DRD2: variants seen among roughly 807,000 people sequenced by gnomAD.
DRD2 encodes dopamine receptor D2, also known as D(2) dopamine receptor.
In DRD2, 8 loss-of-function variants were observed where a neutral mutation model predicts 38.0. The ratio of observed to expected loss-of-function variants is 0.21; its 90% CI spans 0.12 to 0.38. The LOEUF is 0.38. DRD2 is among the 10% of genes least tolerant of loss of function. DRD2 has a pLI of 1.00. For missense variants in DRD2, 403 were observed against 607.7 expected (o/e 0.66, Z 3.54); for synonymous variants, 230 against 238.6 (o/e 0.96, Z 0.33).
intron 5 of DRD2, 110 bp from the exon 6 acceptor site, chr11:113,414,571 G>A: frequency 8.6e-7 from 1 of 1,158,560 alleles, no homozygotes. Context: ...AGGGCTCAGA[G>A]ATCAGGAGGG....
chr11:113,417,286 A>G (rs1283084283), intron 3 of DRD2, among the ~76,000 whole-genome samples: 2 of 152,200 alleles, frequency 1.3e-5, no homozygotes, highest in Non-Finnish European at 2.9e-5. Context: ...TCGAAGAACC[A>G]TGGCCTGCAT....
intron 1 of DRD2, among the ~76,000 whole-genome samples, chr11:113,459,446 A>C (rs752631524): frequency 2.0e-5 from 3 of 152,216 alleles, no homozygotes; most frequent in African/African-American, 7.2e-5. Flanking sequence ...ATCAGAGGAC[A>C]AGAAAAGTTA....
intron 4 of DRD2, among the ~76,000 whole-genome samples, chr11:113,416,614 G>A (rs1950829838): frequency 6.6e-6 from 1 of 152,206 alleles, no homozygotes; most frequent in Non-Finnish European, 1.5e-5. Flanking sequence ...ACATACCCCT[G>A]AACCATTATC....
At chr11:113,426,548 T>C (rs923039258) in intron 1 of DRD2, among the ~76,000 whole-genome samples, 2 of 152,136 alleles carry the variant, frequency 1.3e-5, no homozygotes, top group Admixed American at 1.3e-4. Flanking sequence ...ATGAATGTGG[T>C]GCCATGTCCA....
intron 1 of DRD2, among the ~76,000 whole-genome samples, chr11:113,454,028 T>C (rs769675891): frequency 4.6e-5 from 7 of 152,150 alleles, no homozygotes; most frequent in Non-Finnish European, 1.0e-4. Context: ...ACATTTTATA[T>C]ATGGACAGTG....
chr11:113,469,802 T>C (rs910689838), intron 1 of DRD2, among the ~76,000 whole-genome samples: 6 of 152,148 alleles, frequency 3.9e-5, no homozygotes, highest in Non-Finnish European at 5.9e-5. Context: ...ATTGCACCAC[T>C]GCACTCCAGC....
intron 1 of DRD2, among the ~76,000 whole-genome samples, chr11:113,457,104 T>C (rs192590627): frequency 6.6e-6 from 1 of 152,084 alleles, no homozygotes; most frequent in East Asian, 1.9e-4. Context: ...CCGGAGGCAA[T>C]GGGAGAGACA....
At chr11:113,474,567 C>T (rs1411494590) in intron 1 of DRD2, among the ~76,000 whole-genome samples, 2 of 152,198 alleles carry the variant, frequency 1.3e-5, no homozygotes, top group Admixed American at 6.5e-5. Context: ...CTCCCCCATC[C>T]TTAGCTTCTG....
intron 1 of DRD2, among the ~76,000 whole-genome samples, chr11:113,448,047 G>T (rs933149626): frequency 6.6e-6 from 1 of 152,108 alleles, no homozygotes; most frequent in South Asian, 2.1e-4. Context: ...ATACTGAGGG[G>T]GCTCTAGATG....
rs2138181910 is a variant in DRD2 at position 113,425,557 on chromosome 11, C to T, written c.-31-875G>A. On this transcript the variant is annotated intron_variant, in intron 1 of 7. Transcript: ENST00000362072. Reference sequence around the variant, plus strand: ...GCAGCAGGAACCACATGATCAGATTCGCCTTTCGAATAGGTGATTCTGACA... The same window carrying T: ...GCAGCAGGAACCACATGATCAGATTTGCCTTTCGAATAGGTGATTCTGACA... 2.0e-5 allele frequency among the ~76,000 whole-genome samples: 3 copies of T among 152,238 alleles called. 1 individual carries two copies. In the South Asian group the frequency reaches 6.2e-4, roughly 32 times the overall value.
chr11:113,431,315 T>G (rs1160266253), intron 1 of DRD2, among the ~76,000 whole-genome samples: 1 of 152,070 alleles, frequency 6.6e-6, no homozygotes, highest in Non-Finnish European at 1.5e-5. Context: ...TGCAGGAAAG[T>G]GGGGGTAATT....
chr11:113,467,632 A>G (rs188884897), intron 1 of DRD2, among the ~76,000 whole-genome samples: 3 of 152,236 alleles, frequency 2.0e-5, no homozygotes, highest in Admixed American at 6.5e-5. Flanking sequence ...GGCCTGTGCC[A>G]GAGCAACATA....
chr11:113,452,987 C>A (rs1248015452), intron 1 of DRD2, among the ~76,000 whole-genome samples: 3 of 151,988 alleles, frequency 2.0e-5, no homozygotes, highest in African/African-American at 7.2e-5. Context: ...TCACACCATA[C>A]TTTACTTTAT....
At chr11:113,443,450 A>G (rs1025500804) in intron 1 of DRD2, among the ~76,000 whole-genome samples, 10 of 152,202 alleles carry the variant, frequency 6.6e-5, no homozygotes, top group Non-Finnish European at 1.5e-4. Flanking sequence ...AGGACAACTA[A>G]CTTGAGAGGA....
At chr11:113,453,024 G>A (rs1951231475) in intron 1 of DRD2, among the ~76,000 whole-genome samples, 1 of 152,086 alleles carries the variant, frequency 6.6e-6, no homozygotes, top group Middle Eastern at 3.2e-3. Context: ...GGAGTTAGCA[G>A]GCCTGTATTT....
chr11:113,443,488 ACCT>A (rs1951112077), intron 1 of DRD2, among the ~76,000 whole-genome samples: 1 of 152,310 alleles, frequency 6.6e-6, no homozygotes, highest in East Asian at 1.9e-4. Context: ...CTCTCTAGTG[ACCT>A]CCAAGTTTTG....
chr11:113,424,766 A>C, intron 1 of DRD2, 84 bp from the exon 2 acceptor site: 1 of 1,328,764 alleles, frequency 7.5e-7, no homozygotes, highest in Non-Finnish European at 1.0e-6. Flanking sequence ...CCTGGCATTT[A>C]ATAATGAGAA....
chr11:113,470,501 C>T (rs1188550228), intron 1 of DRD2, among the ~76,000 whole-genome samples: 4 of 152,206 alleles, frequency 2.6e-5, no homozygotes, highest in Non-Finnish European at 5.9e-5. Context: ...GCTGACATTA[C>T]CCAGAGGGCT....
At chr11:113,472,455 G>A (rs1951438190) in intron 1 of DRD2, among the ~76,000 whole-genome samples, 1 of 152,294 alleles carries the variant, frequency 6.6e-6, no homozygotes, top group African/African-American at 2.4e-5. Flanking sequence ...AGAAGCGTTT[G>A]TCTCAATTTC....
Sources: allele counts gnomAD v4.1 joint callset (sites outside exome capture counted in the v4.1 genomes callset), GRCh38; gene constraint gnomAD v4.1.1; transcripts MANE v1.5; gene names NCBI Gene and HGNC (gene_info 2026-07-23, HGNC 2026-07-21).